The following RAB30 variants were observed in gnomAD, a reference collection of about 807,000 sequenced individuals.
RAB30 encodes the protein RAB30, member RAS oncogene family, also known as ras-related protein Rab-30.
In RAB30, 9 loss-of-function variants were observed where a neutral mutation model predicts 25.1. The observed-to-expected ratio is 0.36, with a 90% CI of 0.22 to 0.63. The LOEUF (loss-of-function observed/expected upper bound fraction) is 0.63. Among genes scored for constraint, RAB30 ranks in the 20% least tolerant of loss-of-function variants. The pLI, the probability that RAB30 is intolerant of heterozygous loss-of-function variation, is 0.69. For missense variants in RAB30, 140 were observed against 243.5 expected (o/e 0.58, Z 2.83); for synonymous variants, 77 against 86.4 (o/e 0.89, Z 0.60).
chr11:83,053,489 T>C (rs929113529), intron 1 of RAB30, among the ~76,000 whole-genome samples: 1 of 152,184 alleles, frequency 6.6e-6, no homozygotes, highest in Non-Finnish European at 1.5e-5. Flanking sequence ...ATCACATATA[T>C]TACCCAGTGT....
chr11:83,022,317 A>G (rs1431342191), intron 1 of RAB30, among the ~76,000 whole-genome samples: 6 of 152,068 alleles, frequency 3.9e-5, no homozygotes, highest in Non-Finnish European at 7.4e-5. Flanking sequence ...ATGCCACCAC[A>G]CTCAGCTAAT....
intron 1 of RAB30, among the ~76,000 whole-genome samples, chr11:83,047,844 G>T (rs1048800207): frequency 1.4e-4 from 21 of 151,998 alleles, no homozygotes; most frequent in Admixed American, 1.0e-3. Context: ...CCTCAGTAGA[G>T]CATCTCCATT....
At chr11:83,020,067 C>T (rs1026962214) in intron 1 of RAB30, among the ~76,000 whole-genome samples, 1 of 152,250 alleles carries the variant, frequency 6.6e-6, no homozygotes, top group African/African-American at 2.4e-5. Flanking sequence ...CCCTTCTGAA[C>T]TGGGGAGGGA....
chr11:83,062,170 T>C (rs1177900516), intron 1 of RAB30, among the ~76,000 whole-genome samples: 1 of 152,164 alleles, frequency 6.6e-6, no homozygotes, highest in Non-Finnish European at 1.5e-5. Context: ...ATCTGCATTT[T>C]TCAGAGTGGG....
chr11:83,001,029 A>AGAAC (rs1447507331), intron 1 of RAB30, among the ~76,000 whole-genome samples: 2 of 138,704 alleles, frequency 1.4e-5, no homozygotes, highest in Non-Finnish European at 3.1e-5. Context: ...CCTGGGCGAC[A>AGAAC]GAACGAGACT....
chr11:82,980,252 C>A lies in RAB30; in HGVS notation c.*1913G>T, dbSNP rs376803118. On this transcript the variant is annotated 3_prime_UTR_variant, in exon 5 of 5. Transcript: ENST00000527633. ...GTTTTTATTAAAATGACTTTTCTTT[C>A]CTGCAGAGACAGATTCTAAAAGAAA... 2.0e-5 allele frequency: 3 copies of A among 152,250 alleles called. No individual in the cohort carries two copies. The highest frequency in any genetic ancestry group is 3.9e-4 in the East Asian group (2 of 5,194). The allele number at this position is 152,250 out of a possible 1,614,324, so 9.4% of individuals were successfully genotyped here. A position where few individuals can be genotyped will look rare whatever the true frequency, so the allele number is the denominator to read the frequency against.
In RAB30 at chr11:82,978,474, G is replaced by T. The variant is rs1471212352; in HGVS notation, c.*3691C>A. 6.8e-6 allele frequency: 1 copy of T among 146,306 alleles called. No individual in the cohort carries two copies. The highest frequency in any genetic ancestry group is 1.5e-5 in the Non-Finnish European group (1 of 66,842). 9.1% of individuals were successfully genotyped at this position (146,306 alleles called of 1,614,324 possible). Reference sequence around the variant, plus strand: ...TTTAGTTGCTGGCTTAGTGGAGAAGGCCATTGGTTTGATATGCAAAAAAAA... The same window carrying T: ...TTTAGTTGCTGGCTTAGTGGAGAAGTCCATTGGTTTGATATGCAAAAAAAA... On this transcript the variant is annotated 3_prime_UTR_variant, in exon 5 of 5. Transcript: ENST00000527633.
intron 3 of RAB30, chr11:82,992,315 C>T (rs1412149427): frequency 2.2e-6 from 1 of 456,092 alleles, no homozygotes. Context: ...GATTTCATAC[C>T]CTGCTTTTAT....
At chr11:83,066,619 C>G (rs553538448) in intron 1 of RAB30, among the ~76,000 whole-genome samples, 1 of 152,192 alleles carries the variant, frequency 6.6e-6, no homozygotes, top group Non-Finnish European at 1.5e-5. Flanking sequence ...GGCACAATCT[C>G]GGCTCACAGC....
At position 82,974,664 on chromosome 11, in the gene RAB30, T is replaced by C. The variant is rs1194548826; in HGVS notation, c.*7501A>G. On this transcript the variant is annotated 3_prime_UTR_variant, in exon 5 of 5. Transcript: ENST00000527633. Reference sequence around the variant, plus strand: ...AACCTGTTTATTAGTTAAAACTATGTATGTATTAATATTAAAGATCCATGT... The same window carrying C: ...AACCTGTTTATTAGTTAAAACTATGCATGTATTAATATTAAAGATCCATGT... 4 of 152,136 alleles carry C rather than the reference T, an allele frequency of 2.6e-5. No homozygotes were observed. The East Asian group carries it at 7.7e-4, about 29-fold the overall frequency. 9.4% of individuals were successfully genotyped at this position (152,136 alleles called of 1,614,324 possible). A position where few individuals can be genotyped will look rare whatever the true frequency, so the allele number is the denominator to read the frequency against.
chr11:83,063,606 T>TCCGTCACCCAGCAGAAAAAAG, intron 1 of RAB30, among the ~76,000 whole-genome samples: 1 of 152,314 alleles, frequency 6.6e-6, no homozygotes, highest in Middle Eastern at 3.4e-3. Context: ...ACTCCGTAGT[T>TCCGTCACCCAGCAGAAAAAAG]CAATTTTTGC....
chr11:82,997,387 C>T (rs1198359753), intron 1 of RAB30, 63 bp from the exon 2 acceptor site: 4 of 1,148,384 alleles, frequency 3.5e-6, no homozygotes, highest in Middle Eastern at 1.9e-4. Flanking sequence ...AGAGCTCAAG[C>T]TGCACCAGCC....
At chr11:83,070,918 T>C (rs1858826161) in intron 1 of RAB30, among the ~76,000 whole-genome samples, 1 of 152,234 alleles carries the variant, frequency 6.6e-6, no homozygotes, top group African/African-American at 2.4e-5. Flanking sequence ...CAGCTCATTA[T>C]GGTACCATTG....
intron 1 of RAB30, chr11:83,034,670 C>T (rs1857949224): frequency 6.6e-6 from 1 of 152,150 alleles, no homozygotes; most frequent in African/African-American, 2.4e-5. Flanking sequence ...TTAAAGGGGC[C>T]GTATTTCAGA....
At chr11:83,055,601 A>G (rs1447723598) in intron 1 of RAB30, among the ~76,000 whole-genome samples, 3 of 152,242 alleles carry the variant, frequency 2.0e-5, no homozygotes, top group Non-Finnish European at 4.4e-5. Context: ...GTAGTAAAGG[A>G]GTGCTATGAT....
chr11:83,066,154 C>T (rs2121521831), intron 1 of RAB30, among the ~76,000 whole-genome samples: 1 of 152,284 alleles, frequency 6.6e-6, no homozygotes, highest in South Asian at 2.1e-4. Flanking sequence ...GATCACATTT[C>T]CACCACAGCC....
rs553128014 is a variant in RAB30 at position 83,006,446 on chromosome 11, T to C, written c.-8-9122A>G. On this transcript the variant is annotated intron_variant, in intron 1 of 4. Coordinates refer to ENST00000527633, the MANE Select transcript of RAB30 (RefSeq NM_001286060.2). ...GGCAAAGAATGGTGTGTTTACAGTA[T>C]GAAGAAAGGGCGGGGGCATATGATT... 5.3e-5 allele frequency among the ~76,000 whole-genome samples: 8 copies of C among 152,280 alleles called. No individual in the cohort carries two copies. The East Asian group carries it at 1.3e-3, about 26-fold the overall frequency.
At chr11:82,996,711 A>C (rs574463648) in intron 2 of RAB30, among the ~76,000 whole-genome samples, 1 of 152,300 alleles carries the variant, frequency 6.6e-6, no homozygotes, top group African/African-American at 2.4e-5. Flanking sequence ...CACTATTTTC[A>C]TTTCATTCCT....
intron 1 of RAB30, among the ~76,000 whole-genome samples, chr11:83,045,879 AT>A (rs1289236461): frequency 6.6e-6 from 1 of 152,200 alleles, no homozygotes; most frequent in Non-Finnish European, 1.5e-5. Flanking sequence ...AGAGTAAGTA[AT>A]TTAAAATCTC....
Sources: allele counts gnomAD v4.1 joint callset (sites outside exome capture counted in the v4.1 genomes callset), GRCh38; gene constraint gnomAD v4.1.1; transcripts MANE v1.5; gene names NCBI Gene and HGNC (gene_info 2026-07-23, HGNC 2026-07-21).